CRCP: variants seen among roughly 807,000 people sequenced by gnomAD.
CRCP encodes CGRP receptor component, also known as DNA-directed RNA polymerase III subunit RPC9.
CRCP carries 18 observed loss-of-function variants against 18.5 expected under a neutral mutation model. The observed-to-expected ratio is 0.97, with a 90% confidence interval of 0.67 to 1.44. CRCP has a LOEUF of 1.44. CRCP is among the 40% of genes most tolerant of loss of function. CRCP has a pLI of 0.00. For synonymous variants in CRCP, 53 were observed against 62.9 expected, an observed-to-expected ratio of 0.84 and a Z score of 0.75; for missense variants, 130 against 176.4, an observed-to-expected ratio of 0.74 and a Z score of 1.49.
rs1431247901 is a variant in CRCP at position 66,154,477 on chromosome 7, T to C, written c.*2120T>C. Reference sequence around the variant, plus strand: ...TTAACCTAGTTAATAATAAATTGTTTCCAGGTAATTATCAAGTTTTGTCAT... The same window carrying C: ...TTAACCTAGTTAATAATAAATTGTTCCCAGGTAATTATCAAGTTTTGTCAT... On this transcript the variant is annotated 3_prime_UTR_variant, in exon 6 of 6. Transcript: ENST00000395326. 2 of 152,146 alleles carry C rather than the reference T, an allele frequency of 1.3e-5. No homozygotes were observed. Among genetic ancestry groups the C allele is most frequent in the Non-Finnish European group, 2.9e-5 (2 of 68,024 alleles). The allele number at this position is 152,146 out of a possible 1,614,324, so 9.4% of individuals were successfully genotyped here.
rs181793565 is a variant in CRCP at position 66,152,418 on chromosome 7, C to A, written c.*61C>A. On this transcript the variant is annotated 3_prime_UTR_variant, in exon 6 of 6. Transcript: ENST00000395326. The stretch of plus-strand genomic sequence containing the variant: ...GAAGGCCTGGCAGCCATTTCCTGGA[C>A]GTTGAGAGGATTGTTTATTTGATTT... The A allele has an allele frequency of 1.5e-4, 236 of 1,576,166 alleles. 1 individual carries two copies. In the African/African-American group the frequency reaches 2.7e-3, roughly 18 times the overall value.
At chr7:66,115,332 G>C (rs965553444) in intron 1 of CRCP, among the ~76,000 whole-genome samples, 3 of 152,314 alleles carry the variant, frequency 2.0e-5, no homozygotes, top group South Asian at 2.1e-4. Context: ...ATAAAGGCCT[G>C]AGTCTGTCCG....
chr7:66,144,631 C>A (rs1457294593), intron 4 of CRCP, among the ~76,000 whole-genome samples: 2 of 151,990 alleles, frequency 1.3e-5, no homozygotes, highest in Non-Finnish European at 2.9e-5. Context: ...ACAGGCGCAA[C>A]CCATCATGCC....
At chr7:66,134,497 G>C (rs947700308) in intron 4 of CRCP, 123 bp downstream of exon 4, 17 of 673,724 alleles carry the variant, frequency 2.5e-5, no homozygotes, top group Non-Finnish European at 4.3e-5. Flanking sequence ...TAGTATTGGA[G>C]ATGAAACAAC....
chr7:66,132,503 G>A (rs907275445), intron 3 of CRCP, among the ~76,000 whole-genome samples: 6 of 152,108 alleles, frequency 3.9e-5, no homozygotes, highest in Non-Finnish European at 5.9e-5. Context: ...TGATTTCTGG[G>A]GGTACATGAT....
chr7:66,149,288 G>T (rs1788387015), intron 5 of CRCP, among the ~76,000 whole-genome samples: 1 of 152,112 alleles, frequency 6.6e-6, no homozygotes, highest in Admixed American at 6.6e-5. Flanking sequence ...CTTTGAGAGG[G>T]TGATGTGAGA....
At position 66,134,312 on chromosome 7, in the gene CRCP, G is replaced by A; in HGVS notation, c.177G>A (p.Arg59=). The A allele has an allele frequency of 1.9e-6, 3 of 1,608,388 alleles. No individual in the cohort carries two copies. Among genetic ancestry groups the A allele is most frequent in the East Asian group, 2.2e-5 (1 of 44,762 alleles). The change falls in exon 4 of 6, where the codon AGG becomes AGA. Residue 59 remains arginine, a synonymous_variant. Transcript: ENST00000395326. ...TLKYISKTPC[R]HQSPEIVREF... ...AATACATATCAAAAACACCATGCAGGCACCAGAGTCCTGAAATTGTCAGAG... is the reference window on the plus strand; with the variant it reads ...AATACATATCAAAAACACCATGCAGACACCAGAGTCCTGAAATTGTCAGAG...
At chr7:66,134,244 A>G (rs749723763) in intron 3 of CRCP, 36 bp from the exon 4 acceptor site, 2 of 1,433,328 alleles carry the variant, frequency 1.4e-6, no homozygotes, top group African/African-American at 3.1e-5. Flanking sequence ...TCTTTGTCTT[A>G]TGCTTGGCTT....
chr7:66,150,050 C>A (rs1788411624), intron 5 of CRCP, among the ~76,000 whole-genome samples: 2 of 151,858 alleles, frequency 1.3e-5, no homozygotes, highest in African/African-American at 4.8e-5. Context: ...TTGTGATCCG[C>A]CCACCTCAGC....
chr7:66,132,078 A>C (rs1256738933), intron 3 of CRCP, among the ~76,000 whole-genome samples: 5 of 10,762 alleles, frequency 4.6e-4, no homozygotes. Flanking sequence ...TCTTACATAA[A>C]AGTTGTAGAG....
chr7:66,134,559 T>A, intron 4 of CRCP, 185 bp downstream of exon 4: 1 of 464,296 alleles, frequency 2.2e-6, no homozygotes, highest in Non-Finnish European at 3.8e-6. Flanking sequence ...TTTTTTTTTT[T>A]TTTATAAATG....
rs753443146 is a variant in CRCP at position 66,148,897 on chromosome 7, AT to A, written c.298-3308del. Among the ~76,000 whole-genome samples, 69 of 152,242 alleles carry A rather than the reference AT, an allele frequency of 4.5e-4. 1 individual carries two copies. Among genetic ancestry groups the A allele is most frequent in the Admixed American group, 3.9e-4 (6 of 15,284 alleles). On this transcript the variant is annotated intron_variant, in intron 5 of 5. Coordinates refer to ENST00000395326, the MANE Select transcript of CRCP (RefSeq NM_014478.5). Reference sequence around the variant, plus strand: ...TCATTTTACATTAGAGAAAGTTGAAATTTAGAAAGCCAGATTCAGTGAACTG... The same window carrying A: ...TCATTTTACATTAGAGAAAGTTGAAATTAGAAAGCCAGATTCAGTGAACTG...
intron 1 of CRCP, among the ~76,000 whole-genome samples, chr7:66,116,320 C>T (rs1403810810): frequency 6.6e-6 from 1 of 151,612 alleles, no homozygotes; most frequent in East Asian, 2.0e-4. Flanking sequence ...CATAGGGAGA[C>T]CCTGTCTCTG....
At chr7:66,118,646 A>G (rs1048276828) in intron 1 of CRCP, among the ~76,000 whole-genome samples, 1 of 152,194 alleles carries the variant, frequency 6.6e-6, no homozygotes, top group Non-Finnish European at 1.5e-5. Flanking sequence ...ACGGTGTAGT[A>G]TTTGCATATA....
chr7:66,149,818 C>G (rs1334693567), intron 5 of CRCP, among the ~76,000 whole-genome samples: 4 of 151,762 alleles, frequency 2.6e-5, no homozygotes, highest in Non-Finnish European at 5.9e-5. Flanking sequence ...CCTTTTTTTT[C>G]CCCAAAGAGA....
At chr7:66,141,091 C>T (rs1788122754) in intron 4 of CRCP, among the ~76,000 whole-genome samples, 2 of 152,110 alleles carry the variant, frequency 1.3e-5, no homozygotes, top group African/African-American at 4.8e-5. Flanking sequence ...TTCCATGACT[C>T]TGCCAAGAGT....
chr7:66,114,851 A>ACCTTGGCGCGCGGAGCTG lies in CRCP; in HGVS notation c.-112_-111insCCTTGGCGCGCGGAGCTG, dbSNP rs1787203961. The stretch of plus-strand genomic sequence containing the variant: ...GGCATGCAGCGCGGCGATCCCGGCG[A>ACCTTGGCGCGCGGAGCTG]GCACCTTGGCGCGCGGAGCTGGCAC... On this transcript the variant is annotated 5_prime_UTR_variant, in exon 1 of 6. Coordinates refer to ENST00000395326, the MANE Select transcript of CRCP (RefSeq NM_014478.5). The ACCTTGGCGCGCGGAGCTG allele has an allele frequency of 1.3e-6, 2 of 1,598,454 alleles. No individual in the cohort carries two copies. The highest frequency in any genetic ancestry group is 2.7e-5 in the African/African-American group (2 of 74,494).
intron 3 of CRCP, among the ~76,000 whole-genome samples, chr7:66,131,956 T>G (rs1787819421): frequency 2.2e-5 from 1 of 45,990 alleles, no homozygotes; most frequent in Non-Finnish European, 4.4e-5. Flanking sequence ...AGACAGGGTT[T>G]CTCCATGTTG....
In CRCP at chr7:66,129,663, A is replaced by G. The variant is rs543475684; in HGVS notation, c.46-1081A>G. Among the ~76,000 whole-genome samples the G allele has an allele frequency of 6.1e-4, 93 of 152,018 alleles. 1 individual carries two copies. Among genetic ancestry groups the G allele is most frequent in the Non-Finnish European group, 1.2e-3 (81 of 67,992 alleles). ...GTCTTAAGTGGTTGCAGCTTAGAACAGGAAGGAAATGGTTGAATGGTTTTT... is the reference window on the plus strand; with the variant it reads ...GTCTTAAGTGGTTGCAGCTTAGAACGGGAAGGAAATGGTTGAATGGTTTTT... On this transcript the variant is annotated intron_variant, in intron 2 of 5. Transcript: ENST00000395326.
Sources: gnomAD v4.1 joint callset for allele counts (sites outside exome capture counted in the v4.1 genomes callset) on GRCh38, gnomAD v4.1.1 for gene constraint, MANE v1.5 for transcripts, NCBI Gene and HGNC (gene_info 2026-07-23, HGNC 2026-07-21) for gene names.